Variants in NBEAL1 observed in about 807,000 individuals in gnomAD.
NBEAL1 encodes neurobeachin-like protein 1.
A neutral mutation model predicts 351.3 loss-of-function variants in NBEAL1; 273 were observed. The ratio of observed to expected loss-of-function variants is 0.78; its 90% CI spans 0.70 to 0.86. The LOEUF (loss-of-function observed/expected upper bound fraction) is 0.86, where lower values mean the gene tolerates loss of function less well. NBEAL1 is among the 40% of genes least tolerant of loss of function. NBEAL1 has a pLI of 0.00. For missense variants in NBEAL1, 2,961 were observed against 3,201.3 expected, an observed-to-expected ratio of 0.92 and a Z score of 1.81; for synonymous variants, 1,050 against 1,086.4, an observed-to-expected ratio of 0.97 and a Z score of 0.66.
At chr2:203,120,134 T>G (rs1417354515) in intron 18 of NBEAL1, among the ~76,000 whole-genome samples, 1 of 152,194 alleles carries the variant, frequency 6.6e-6, no homozygotes, top group South Asian at 2.1e-4. Context: ...TTTATTTTTC[T>G]TTTTAGCTAC....
intron 16 of NBEAL1, 75 bp from the exon 17 acceptor site, chr2:203,112,940 T>C (rs2062605602): frequency 7.8e-7 from 1 of 1,278,388 alleles, no homozygotes; most frequent in African/African-American, 1.5e-5. Context: ...TATGTACTAT[T>C]TTATTGTGTA....
At position 203,171,932 on chromosome 2, in the gene NBEAL1, G is replaced by A. The variant is rs767350522; in HGVS notation, c.6107G>A (p.Trp2036Ter). 3 of 1,581,402 alleles carry A rather than the reference G, an allele frequency of 1.9e-6. No individual in the cohort carries two copies. Among genetic ancestry groups the A allele is most frequent in the South Asian group, 2.3e-5 (2 of 86,474 alleles). Residue 2036 changes from tryptophan to a stop codon, truncating the protein, a stop_gained, in exon 40 of 56, where the codon TGG becomes TAG. Transcript: ENST00000683969. LOFTEE classifies it high-confidence loss of function. Reference sequence around the variant, plus strand: ...GCTCTTTTTTGTGCTGTCTAGAAATGGGTAAACAGAGAGATATCAAATTTT... The same window carrying A: ...GCTCTTTTTTGTGCTGTCTAGAAATAGGTAAACAGAGAGATATCAAATTTT... ...LFKASGLTQKWVNREISNFDY... is the reference protein window; with the variant it reads ...LFKASGLTQK
At chr2:203,210,410 C>G (rs922286716) in intron 53 of NBEAL1, among the ~76,000 whole-genome samples, 4 of 147,778 alleles carry the variant, frequency 2.7e-5, no homozygotes, top group Non-Finnish European at 4.4e-5. Context: ...GCCTGTAATG[C>G]CAGCACTTTG....
Position 203,037,653 on chromosome 2 carries a change from A to G in NBEAL1, c.52-4112A>G, listed in dbSNP as rs564000518. On this transcript the variant is annotated intron_variant, in intron 2 of 55. Coordinates refer to ENST00000683969, the MANE Select transcript of NBEAL1 (RefSeq NM_001378026.1). ...GCCATGTTGTCTAATTTCTGTTACCATAGACTGCTCTAGAACTTCATATAA... is the reference window on the plus strand; with the variant it reads ...GCCATGTTGTCTAATTTCTGTTACCGTAGACTGCTCTAGAACTTCATATAA... Among the ~76,000 whole-genome samples the G allele has an allele frequency of 3.4e-4, 51 of 148,956 alleles. 2 individuals carry two copies. In the South Asian group the frequency reaches 0.01, roughly 30 times the overall value.
At chr2:203,090,050 A>G (rs1354486216) in intron 10 of NBEAL1, among the ~76,000 whole-genome samples, 4 of 152,186 alleles carry the variant, frequency 2.6e-5, no homozygotes, top group Non-Finnish European at 5.9e-5. Context: ...CATAATTTTA[A>G]AATAGGCATA....
chr2:203,025,894 C>T (rs780221164), intron 2 of NBEAL1, among the ~76,000 whole-genome samples: 6 of 151,286 alleles, frequency 4.0e-5, no homozygotes, highest in African/African-American at 7.3e-5. Context: ...TTTTTTTTAT[C>T]CCATCATTTT....
chr2:203,190,294 G>C lies in NBEAL1; in HGVS notation c.6826G>C (p.Ala2276Pro). The C allele has an allele frequency of 7.5e-6, 12 of 1,603,942 alleles. No individual in the cohort carries two copies. Among genetic ancestry groups the C allele is most frequent in the Non-Finnish European group, 1.0e-5 (12 of 1,176,966 alleles). ...AAGTTGACTTCTTCTGGTTTTAGGAGCTGTGGATCTGGATGCCTTAACAGA... is the reference window on the plus strand; with the variant it reads ...AAGTTGACTTCTTCTGGTTTTAGGACCTGTGGATCTGGATGCCTTAACAGA... ...NVFYYCSYEGAVDLDALTDEK... is the reference protein window; with the variant it reads ...NVFYYCSYEGPVDLDALTDEK... Residue 2276 changes from alanine (A) to proline (P), a missense_variant and splice_region_variant, in exon 46 of 56, where the codon GCT becomes CCT. Transcript: ENST00000683969.
intron 2 of NBEAL1, among the ~76,000 whole-genome samples, chr2:203,027,126 G>A (rs796767018): frequency 6.6e-5 from 10 of 152,294 alleles, no homozygotes; most frequent in African/African-American, 2.4e-4. Context: ...AGGGAACTAT[G>A]TAGACTGACT....
chr2:203,046,365 G>A (rs2061226122), intron 3 of NBEAL1, among the ~76,000 whole-genome samples: 2 of 151,980 alleles, frequency 1.3e-5, no homozygotes, highest in South Asian at 2.1e-4. Flanking sequence ...ACAGGCACCC[G>A]CCACCACGCT....
At chr2:203,048,342 A>G (rs141582721) in intron 3 of NBEAL1, among the ~76,000 whole-genome samples, 1,864 of 146,050 alleles carry the variant, frequency 0.013, 34 homozygotes, top group Admixed American at 0.039. Flanking sequence ...AGATCGCGCC[A>G]CTGCACTCCA....
intron 35 of NBEAL1, among the ~76,000 whole-genome samples, chr2:203,155,748 T>A (rs1255472556): frequency 6.6e-6 from 1 of 152,168 alleles, no homozygotes; most frequent in Non-Finnish European, 1.5e-5. Flanking sequence ...ACACTCAGCC[T>A]GTAAATATAT....
At chr2:203,092,717 G>A (rs2062091054) in intron 10 of NBEAL1, among the ~76,000 whole-genome samples, 1 of 152,128 alleles carries the variant, frequency 6.6e-6, no homozygotes, top group South Asian at 2.1e-4. Context: ...TCCTGCTGAG[G>A]AATACCAGGG....
intron 6 of NBEAL1, among the ~76,000 whole-genome samples, chr2:203,066,323 C>CTT (rs35459326): frequency 4.6e-4 from 65 of 139,982 alleles, no homozygotes; most frequent in African/African-American, 1.2e-3. Context: ...AAATTTTATC[C>CTT]TTTTTTTTTT....
intron 6 of NBEAL1, chr2:203,061,507 A>G (rs913153201): frequency 6.6e-6 from 1 of 152,364 alleles, no homozygotes. Flanking sequence ...GAGTTCTTTC[A>G]TGTCGTCAAA....
intron 18 of NBEAL1, among the ~76,000 whole-genome samples, chr2:203,121,805 A>G (rs988084147): frequency 6.6e-6 from 1 of 151,778 alleles, no homozygotes; most frequent in East Asian, 1.9e-4. Context: ...TTATTTTTTG[A>G]GACAGAGTCT....
At position 203,041,767 on chromosome 2, in the gene NBEAL1, A is replaced by G. The variant is rs756921969; in HGVS notation, c.54A>G (p.Lys18=). Residue 18 remains lysine, a splice_region_variant and synonymous_variant, in exon 3 of 56, where the codon AAA becomes AAG. Coordinates refer to ENST00000683969, the MANE Select transcript of NBEAL1 (RefSeq NM_001378026.1). ...FELWMLYCTK[K]DPDYLKLWLD... ...TTATAATGGTTTTGTTATTTCAGAA[A>G]GATCCAGATTACCTGAAGCTGTGGT... 1 of 1,550,476 alleles carries G rather than the reference A, an allele frequency of 6.4e-7. No individual in the cohort carries two copies. Among genetic ancestry groups the G allele is most frequent in the South Asian group, 1.2e-5 (1 of 84,042 alleles).
chr2:203,051,413 G>A (rs1245842530), intron 4 of NBEAL1, among the ~76,000 whole-genome samples: 5 of 151,794 alleles, frequency 3.3e-5, no homozygotes, highest in Non-Finnish European at 5.9e-5. Context: ...GCATGGTGGC[G>A]GGTGCCTGAA....
chr2:203,081,294 G>A (rs988829400), intron 8 of NBEAL1, among the ~76,000 whole-genome samples: 1 of 152,144 alleles, frequency 6.6e-6, no homozygotes, highest in East Asian at 1.9e-4. Flanking sequence ...CCTGTTTTGT[G>A]TTATGTTAAA....
Position 203,175,167 on chromosome 2 carries a change from C to T in NBEAL1, c.6344C>T (p.Pro2115Leu). ...MREKYENFED[P>L]MGTIDKFHYG... ...CACAGATATGAAAATTTTGAGGATC[C>T]TATGGGAACTATTGATAAGTTTCAC... Residue 2115 changes from proline (P) to leucine (L), a missense_variant, in exon 42 of 56, where the codon CCT (proline) becomes CTT (leucine). Transcript: ENST00000683969. The T allele has an allele frequency of 6.2e-7, 1 of 1,610,586 alleles. No individual in the cohort carries two copies. The highest frequency in any genetic ancestry group is 8.5e-7 in the Non-Finnish European group (1 of 1,178,450).
Sources: allele counts gnomAD v4.1 joint callset (sites outside exome capture counted in the v4.1 genomes callset), GRCh38; gene constraint gnomAD v4.1.1; transcripts MANE v1.5; gene names NCBI Gene and HGNC (gene_info 2026-07-23, HGNC 2026-07-21).